Variants in FGGY observed in about 807,000 individuals in gnomAD.
The protein encoded by FGGY is FGGY carbohydrate kinase domain-containing protein.
FGGY carries 72 observed loss-of-function variants against 71.3 expected under a neutral mutation model. The observed-to-expected ratio is 1.01, with a 90% CI of 0.84 to 1.23. The LOEUF (loss-of-function observed/expected upper bound fraction) is 1.23. FGGY is among the 50% of genes most tolerant of loss of function. FGGY has a pLI of 0.00. For synonymous variants in FGGY, 251 were observed against 250.3 expected (o/e 1.00, Z -0.02); for missense variants, 668 against 682.3 (o/e 0.98, Z 0.23).
At chr1:59,542,446 T>A (rs1245392392) in intron 7 of FGGY, among the ~76,000 whole-genome samples, 1 of 65,942 alleles carries the variant, frequency 1.5e-5, no homozygotes. Flanking sequence ...TGTTCTTTAC[T>A]TTTTTTTTTT....
chr1:59,563,965 G>T (rs980342991), intron 8 of FGGY, among the ~76,000 whole-genome samples: 1 of 152,186 alleles, frequency 6.6e-6, no homozygotes, highest in Non-Finnish European at 1.5e-5. Context: ...AATAAATGGT[G>T]TTGGGAAAAC....
chr1:59,296,762 C>T (rs1051543825), upstream of FGGY: 1 of 149,456 alleles, frequency 6.7e-6, no homozygotes, highest in African/African-American at 2.5e-5. Flanking sequence ...CCGCGCTTTA[C>T]AGGGGCCGCG....
At chr1:59,715,633 C>T (rs898934880) in intron 14 of FGGY, among the ~76,000 whole-genome samples, 2 of 152,158 alleles carry the variant, frequency 1.3e-5, no homozygotes, top group African/African-American at 4.8e-5. Flanking sequence ...AGAAACTGTT[C>T]AGTTACTTCT....
chr1:59,640,374 T>A (rs138367971), intron 11 of FGGY, among the ~76,000 whole-genome samples: 19 of 152,350 alleles, frequency 1.2e-4, no homozygotes, highest in African/African-American at 4.3e-4. Context: ...ATCCTTTTGC[T>A]GGAAACTACG....
chr1:59,625,273 A>G (rs982016406), intron 9 of FGGY, among the ~76,000 whole-genome samples: 1 of 152,160 alleles, frequency 6.6e-6, no homozygotes, highest in Non-Finnish European at 1.5e-5. Context: ...TGTCCCTGAT[A>G]CATATTTCAT....
intron 6 of FGGY, among the ~76,000 whole-genome samples, chr1:59,494,480 G>A (rs1024377746): frequency 1.9e-4 from 29 of 152,270 alleles, no homozygotes; most frequent in African/African-American, 7.0e-4. Context: ...GGAAGGGGAA[G>A]GACAAGTGAT....
chr1:59,716,560 G>A lies in FGGY; in HGVS notation c.1513-41371G>A, dbSNP rs557731762. 1.2e-4 allele frequency among the ~76,000 whole-genome samples: 18 copies of A among 152,236 alleles called. 1 individual carries two copies. The South Asian group carries it at 3.5e-3, about 30-fold the overall frequency. The stretch of plus-strand genomic sequence containing the variant: ...AACATTTGTTTTATGCGGCAAACTA[G>A]CATCAAAGAAAAAAGAATCTCAGTG... On this transcript the variant is annotated intron_variant, in intron 14 of 15. Transcript: ENST00000303721.
At chr1:59,659,912 G>A (rs965805107) in intron 11 of FGGY, among the ~76,000 whole-genome samples, 139 of 152,246 alleles carry the variant, frequency 9.1e-4, no homozygotes, top group Non-Finnish European at 4.7e-4. Flanking sequence ...TGTAAGAAAA[G>A]AAAATGTTTT....
In FGGY at chr1:59,373,049, G is replaced by A. The variant is rs142887493; in HGVS notation, c.466-5700G>A. ...ACTCCCATTCAACATAGTGTTGGAA[G>A]TTCTGGCCAGGGCAATTAGGCAGGA... is the stretch of plus-strand genomic sequence containing the variant. On this transcript the variant is annotated intron_variant, in intron 4 of 15. Coordinates refer to ENST00000303721, the MANE Select transcript of FGGY (RefSeq NM_018291.5). Among the ~76,000 whole-genome samples the A allele has an allele frequency of 1.8e-3, 268 of 152,230 alleles. 6 individuals carry two copies. In the East Asian group the frequency reaches 0.049, roughly 28 times the overall value.
At chr1:59,427,937 G>A (rs961950150) in intron 5 of FGGY, among the ~76,000 whole-genome samples, 4 of 152,190 alleles carry the variant, frequency 2.6e-5, no homozygotes, top group African/African-American at 9.6e-5. Context: ...GGTGGGACTG[G>A]ATTAAGGACA....
intron 9 of FGGY, among the ~76,000 whole-genome samples, chr1:59,616,625 G>A (rs1213569232): frequency 6.6e-6 from 1 of 151,808 alleles, no homozygotes; most frequent in Non-Finnish European, 1.5e-5. Context: ...AAAACTTAAA[G>A]TATAATAAAA....
At chr1:59,569,890 G>A (rs891549404) in intron 8 of FGGY, among the ~76,000 whole-genome samples, 2 of 152,150 alleles carry the variant, frequency 1.3e-5, no homozygotes, top group African/African-American at 4.8e-5. Flanking sequence ...ATATGTATCT[G>A]AGCAGACCCC....
intron 7 of FGGY, among the ~76,000 whole-genome samples, chr1:59,534,092 A>T (rs1437337552): frequency 3.3e-5 from 5 of 152,216 alleles, no homozygotes; most frequent in African/African-American, 9.6e-5. Context: ...AAAAACATTT[A>T]GAAGAATGTA....
intron 6 of FGGY, among the ~76,000 whole-genome samples, chr1:59,512,029 T>G (rs1171091048): frequency 6.6e-6 from 1 of 152,234 alleles, no homozygotes; most frequent in Non-Finnish European, 1.5e-5. Context: ...CTACTGTGTT[T>G]ATATTCCTTT....
intron 14 of FGGY, among the ~76,000 whole-genome samples, chr1:59,690,601 G>A (rs1040612171): frequency 2.6e-5 from 4 of 152,200 alleles, no homozygotes; most frequent in Non-Finnish European, 1.5e-5. Context: ...TCACTCAAGT[G>A]TGAGCTTCCA....
At chr1:59,653,049 C>T (rs1347490432) in intron 11 of FGGY, among the ~76,000 whole-genome samples, 8 of 152,298 alleles carry the variant, frequency 5.3e-5, no homozygotes, top group African/African-American at 1.9e-4. Flanking sequence ...GGGGGTGCCT[C>T]CCAGTTAGGC....
intron 5 of FGGY, among the ~76,000 whole-genome samples, chr1:59,397,797 CT>C (rs1393415994): frequency 6.6e-6 from 1 of 152,174 alleles, no homozygotes; most frequent in Non-Finnish European, 1.5e-5. Flanking sequence ...TTACCCTTGC[CT>C]TTGCTCATTC....
intron 14 of FGGY, among the ~76,000 whole-genome samples, chr1:59,735,453 T>C (rs1199615908): frequency 1.3e-5 from 2 of 152,202 alleles, no homozygotes; most frequent in Non-Finnish European, 1.5e-5. Context: ...CTGAGTATTG[T>C]TGGTTCACTC....
At chr1:59,465,409 G>A (rs2092555469) in intron 6 of FGGY, among the ~76,000 whole-genome samples, 1 of 152,170 alleles carries the variant, frequency 6.6e-6, no homozygotes, top group African/African-American at 2.4e-5. Context: ...CATACTGAAT[G>A]GGCAAAAACT....
Sources: allele counts gnomAD v4.1 joint callset (sites outside exome capture counted in the v4.1 genomes callset), GRCh38; gene constraint gnomAD v4.1.1; transcripts MANE v1.5; gene names NCBI Gene and HGNC (gene_info 2026-07-23, HGNC 2026-07-21).